Variants in VPS36 observed in about 807,000 individuals in gnomAD.
VPS36 encodes the protein vacuolar protein-sorting-associated protein 36.
In VPS36, 31 loss-of-function variants were observed where a neutral mutation model predicts 63.5. The ratio of observed to expected loss-of-function variants is 0.49; its 90% CI spans 0.37 to 0.66. VPS36 has a LOEUF of 0.66. Among genes scored for constraint, VPS36 ranks in the 30% least tolerant of loss-of-function variants. The probability of loss-of-function intolerance (pLI) is 0.00; values close to 1 mark genes in which losing one functional copy is unlikely to be tolerated. For missense variants in VPS36, 338 were observed against 463.7 expected (o/e 0.73, Z 2.49); for synonymous variants, 138 against 157.2 (o/e 0.88, Z 0.91).
rs2137794455 is a variant in VPS36 at position 52,433,737 on chromosome 13, T to C, written c.453A>G (p.Ile151Met). 1 of 1,601,012 alleles carries C rather than the reference T, an allele frequency of 6.2e-7. No homozygotes were observed. Among genetic ancestry groups the C allele is most frequent in the East Asian group, 2.2e-5 (1 of 44,758 alleles). The change falls in exon 6 of 14, where the codon ATA (isoleucine) becomes ATG (methionine). Residue 151 changes from isoleucine to methionine, a missense_variant. Coordinates refer to ENST00000378060, the MANE Select transcript of VPS36 (RefSeq NM_016075.4). Reference protein sequence around the residue: ...QTNRGPQPGRIRAVGIVGIER... With the variant: ...QTNRGPQPGRMRAVGIVGIER... ...CAATACCTACAATTCCTACAGCCCT[T>C]ATTCTTCCTGGCTGAAAAAAAAAAG...
intron 6 of VPS36, among the ~76,000 whole-genome samples, chr13:52,431,429 AGCAG>A (rs1958152906): frequency 6.6e-6 from 1 of 152,194 alleles, no homozygotes; most frequent in African/African-American, 2.4e-5. Flanking sequence ...GAATATTACT[AGCAG>A]GCAGATTGTG....
At chr13:52,436,888 C>T (rs1367568687) in intron 3 of VPS36, among the ~76,000 whole-genome samples, 3 of 152,128 alleles carry the variant, frequency 2.0e-5, no homozygotes, top group African/African-American at 7.2e-5. Flanking sequence ...TTGGAAAATG[C>T]CACTCAATCA....
chr13:52,437,211 G>A (rs1453978476), intron 3 of VPS36, among the ~76,000 whole-genome samples: 5 of 151,486 alleles, frequency 3.3e-5, no homozygotes, highest in Non-Finnish European at 7.4e-5. Context: ...TCTTTTTTTG[G>A]AACCATATGG....
chr13:52,422,220 CTT>C (rs1958054236), intron 10 of VPS36, among the ~76,000 whole-genome samples: 2 of 151,994 alleles, frequency 1.3e-5, no homozygotes, highest in Admixed American at 1.3e-4. Flanking sequence ...CAATATTTGT[CTT>C]TCTGTGTCTG....
chr13:52,450,283 C>A, intron 1 of VPS36: 1 of 1,149,068 alleles, frequency 8.7e-7, no homozygotes, highest in Non-Finnish European at 1.1e-6. Context: ...AGTTGGGACC[C>A]GCGCTGGGGA....
Position 52,418,062 on chromosome 13 carries a change from A to G in VPS36, c.841-6T>C, listed in dbSNP as rs778225540. The G allele has an allele frequency of 1.2e-6, 2 of 1,610,604 alleles. No individual in the cohort carries two copies. Among genetic ancestry groups the G allele is most frequent in the Non-Finnish European group, 1.7e-6 (2 of 1,178,428 alleles). ...AAATCTTCTGGTGAGAGCAACTAATAGGGAAAAAAAATCCAGTAATGCTAT... is the reference window on the plus strand; with the variant it reads ...AAATCTTCTGGTGAGAGCAACTAATGGGGAAAAAAAATCCAGTAATGCTAT... On this transcript the variant is annotated splice_polypyrimidine_tract_variant and splice_region_variant and intron_variant, in intron 10 of 13. Transcript: ENST00000378060.
In VPS36 at chr13:52,450,572, C is replaced by G; in HGVS notation, c.23G>C (p.Ser8Thr). 2 of 1,590,670 alleles carry G rather than the reference C, an allele frequency of 1.3e-6. No homozygotes were observed. Among genetic ancestry groups the G allele is most frequent in the Middle Eastern group, 1.7e-4 (1 of 5,986 alleles). ...GGTCTCGTTGATCTCCAGGAGGCCG[C>G]TGGTCCAAACGAAGCGGTCCATGGC... MDRFVWT[S>T]GLLEINETLV... Residue 8 changes from serine to threonine, a missense_variant, in exon 1 of 14, where the codon AGC becomes ACC. By Grantham distance (58) the Ser-to-Thr change is moderately conservative (BLOSUM62 1). Coordinates refer to ENST00000378060, the MANE Select transcript of VPS36 (RefSeq NM_016075.4).
intron 6 of VPS36, among the ~76,000 whole-genome samples, 198 bp downstream of exon 6, chr13:52,433,462 TTC>T (rs1424502138): frequency 9.2e-5 from 14 of 152,234 alleles, no homozygotes; most frequent in Non-Finnish European, 1.9e-4. Context: ...AAATTTGCAT[TTC>T]TTTTTTATTC....
chr13:52,428,398 A>C (rs1249489345), intron 6 of VPS36, among the ~76,000 whole-genome samples: 1 of 152,214 alleles, frequency 6.6e-6, no homozygotes, highest in East Asian at 1.9e-4. Flanking sequence ...CATCTGCAGG[A>C]AAGCATCCCC....
In VPS36 at chr13:52,413,431, C is replaced by T. The variant is rs1243069758; in HGVS notation, c.*2399G>A. The T allele has an allele frequency of 6.6e-6, 1 of 152,158 alleles. No homozygotes were observed. Among genetic ancestry groups the T allele is most frequent in the Non-Finnish European group, 1.5e-5 (1 of 68,010 alleles). The allele number at this position is 152,158 out of a possible 1,614,324, so 9.4% of individuals were successfully genotyped here. A position where few individuals can be genotyped will look rare whatever the true frequency, so the allele number is the denominator to read the frequency against. Reference sequence around the variant, plus strand: ...TAAAATCCAAAGGAAAAATTCTTAACATAACTGGCTTTAGTATGATTAAAG... The same window carrying T: ...TAAAATCCAAAGGAAAAATTCTTAATATAACTGGCTTTAGTATGATTAAAG... On this transcript the variant is annotated 3_prime_UTR_variant, in exon 14 of 14. Coordinates refer to ENST00000378060, the MANE Select transcript of VPS36 (RefSeq NM_016075.4).
At chr13:52,425,902 T>A in intron 9 of VPS36, 30 bp downstream of exon 9, 8 of 1,577,900 alleles carry the variant, frequency 5.1e-6, no homozygotes, top group Admixed American at 1.8e-5. Flanking sequence ...TAACACAGTT[T>A]AAAAAAAAAC....
In VPS36 at chr13:52,439,126, C is replaced by G. The variant is rs1193104384; in HGVS notation, c.208G>C (p.Glu70Gln). Residue 70 changes from glutamate (E) to glutamine (Q), a missense_variant, in exon 3 of 14, where the codon GAA (glutamate) becomes CAA (glutamine). Glu to Gln is a conservative substitution (Grantham distance 29). Transcript: ENST00000378060. ...AILLSQIVFI[E>Q]EQAAGIGKSA... ...TTCCCAATTCCAGCCGCCTGTTCTT[C>G]AATGAACACAATTTGGGAAAGGAGA... 1 of 1,613,792 alleles carries G rather than the reference C, an allele frequency of 6.2e-7. No homozygotes were observed. The highest frequency in any genetic ancestry group is 1.1e-5 in the South Asian group (1 of 91,040).
chr13:52,430,428 C>T lies in VPS36; in HGVS notation c.529-3209G>A, dbSNP rs146647974. Among the ~76,000 whole-genome samples, 498 of 152,100 alleles carry T rather than the reference C, an allele frequency of 3.3e-3. 3 individuals are homozygous for T. Among genetic ancestry groups the T allele is most frequent in the African/African-American group, 0.011 (445 of 41,510 alleles). ...CGACCGGATCACGAGGTCAGGAGTT[C>T]GAGACCAGCCTTGCCAATATGGTGA... On this transcript the variant is annotated intron_variant, in intron 6 of 13. Transcript: ENST00000378060.
chr13:52,422,050 C>T (rs1192293980), intron 10 of VPS36, among the ~76,000 whole-genome samples: 1 of 152,038 alleles, frequency 6.6e-6, no homozygotes, highest in East Asian at 1.9e-4. Context: ...TGCTATTGAA[C>T]ATTCGAATTT....
chr13:52,444,109 G>T (rs1382297585), intron 1 of VPS36, among the ~76,000 whole-genome samples: 2 of 152,234 alleles, frequency 1.3e-5, no homozygotes. Flanking sequence ...AAGCATTTTA[G>T]TGAGTGTCCA....
At chr13:52,436,462 C>A in intron 3 of VPS36, 58 bp from the exon 4 acceptor site, 1 of 1,209,426 alleles carries the variant, frequency 8.3e-7, no homozygotes, top group Non-Finnish European at 1.2e-6. Context: ...ATAACTAATT[C>A]TACTTTTATA....
chr13:52,432,724 C>T (rs1418825073), intron 6 of VPS36, among the ~76,000 whole-genome samples: 1 of 152,148 alleles, frequency 6.6e-6, no homozygotes, highest in Non-Finnish European at 1.5e-5. Flanking sequence ...GATCCAGCTG[C>T]CAATTTGGGG....
intron 1 of VPS36, among the ~76,000 whole-genome samples, chr13:52,442,886 T>G (rs904640651): frequency 6.6e-6 from 1 of 152,212 alleles, no homozygotes; most frequent in Non-Finnish European, 1.5e-5. Context: ...ACAATCATTA[T>G]CTCAGAAAAA....
intron 1 of VPS36, among the ~76,000 whole-genome samples, chr13:52,443,029 T>C (rs963478982): frequency 2.6e-5 from 4 of 152,106 alleles, no homozygotes; most frequent in Non-Finnish European, 4.4e-5. Flanking sequence ...AATCCAGGAA[T>C]AGACACAAAT....
Sources: gnomAD v4.1 joint callset for allele counts (sites outside exome capture counted in the v4.1 genomes callset) on GRCh38, gnomAD v4.1.1 for gene constraint, MANE v1.5 for transcripts, NCBI Gene and HGNC (gene_info 2026-07-23, HGNC 2026-07-21) for gene names.